LAMTOR5: variants seen among roughly 807,000 people sequenced by gnomAD.
LAMTOR5 encodes the protein late endosomal/lysosomal adaptor, MAPK and MTOR activator 5, also known as ragulator complex protein LAMTOR5.
Under a neutral mutation model 12.1 loss-of-function variants are expected in LAMTOR5, and 8 were observed. That is an observed-to-expected ratio of 0.66 (90% CI 0.39 to 1.19). The LOEUF (loss-of-function observed/expected upper bound fraction) is 1.19, where lower values mean the gene tolerates loss of function less well. LAMTOR5 is among the 50% of genes most tolerant of loss of function. The pLI is 0.01. For missense variants in LAMTOR5, 110 were observed against 112.8 expected, an observed-to-expected ratio of 0.97 and a Z score of 0.11; for synonymous variants, 37 against 41.9, an observed-to-expected ratio of 0.88 and a Z score of 0.45.
rs1345737886 is a variant in LAMTOR5 at position 110,406,355 on chromosome 1, T to C, written c.60A>G (p.Gly20=). Reference sequence around the variant, plus strand: ...GTCCTTGTGAATCTGTGCACAGGACTCCAACAATGGAGGGATTCTTCATTC... The same window carrying C: ...GTCCTTGTGAATCTGTGCACAGGACCCCAACAATGGAGGGATTCTTCATTC... ...EDTMKNPSIV[G]VLCTDSQGLN... Residue 20 remains glycine, a synonymous_variant, in exon 2 of 4, where the codon GGA becomes GGG. Coordinates refer to ENST00000602318, the MANE Select transcript of LAMTOR5 (RefSeq NM_001382293.1). 6.2e-7 allele frequency: 1 copy of C among 1,610,110 alleles called. No individual in the cohort carries two copies. Among genetic ancestry groups the C allele is most frequent in the African/African-American group, 1.3e-5 (1 of 74,778 alleles).
At chr1:110,402,724 T>C (rs749933646) in intron 3 of LAMTOR5, among the ~76,000 whole-genome samples, 6 of 152,304 alleles carry the variant, frequency 3.9e-5, no homozygotes, top group Admixed American at 1.3e-4. Flanking sequence ...GATGTGGAGA[T>C]AGAAGCCAGT....
Position 110,407,589 on chromosome 1 carries a change from T to C in LAMTOR5, c.32A>G (p.Asp11Gly), listed in dbSNP as rs907832676. 10 of 1,613,794 alleles carry C rather than the reference T, an allele frequency of 6.2e-6. No homozygotes were observed. The highest frequency in any genetic ancestry group is 1.3e-5 in the African/African-American group (1 of 74,882). ...CGAAGAGGCGCGCACTACTCACGTG[T>C]CTTCCAAGTGCTGCTCCAAGGTCGC... Reference protein sequence around the residue: MEATLEQHLEDTMKNPSIVGV... With the variant: MEATLEQHLEGTMKNPSIVGV... The change falls in exon 1 of 4, where the codon GAC becomes GGC. Residue 11 changes from aspartate to glycine, a missense_variant. Physicochemically the swap from Asp to Gly is moderately conservative, Grantham distance 94. Coordinates refer to ENST00000602318, the MANE Select transcript of LAMTOR5 (RefSeq NM_001382293.1).
intron 1 of LAMTOR5, chr1:110,406,969 CTT>C: frequency 1.6e-6 from 1 of 644,860 alleles, no homozygotes; most frequent in Non-Finnish European, 2.8e-6. Context: ...TGTTTTCACT[CTT>C]GTTAAAAACG....
chr1:110,405,411 C>T (rs995637210), intron 2 of LAMTOR5, among the ~76,000 whole-genome samples: 30 of 152,032 alleles, frequency 2.0e-4, no homozygotes, highest in African/African-American at 6.3e-4. Flanking sequence ...GTGATCCACC[C>T]GCCTCCGCCT....
chr1:110,406,920 T>C (rs1209494462), intron 1 of LAMTOR5: 1 of 522,468 alleles, frequency 1.9e-6, no homozygotes, highest in African/African-American at 1.9e-5. Context: ...ACTGCTGAGT[T>C]CTGGAGGGCC....
At chr1:110,403,863 A>C in intron 3 of LAMTOR5, 56 bp downstream of exon 3, 1 of 1,602,456 alleles carries the variant, frequency 6.2e-7, no homozygotes, top group Non-Finnish European at 8.5e-7. Flanking sequence ...GCCCCCGCCA[A>C]TTTTACCAGG....
chr1:110,405,351 G>A (rs1663306651), intron 2 of LAMTOR5, among the ~76,000 whole-genome samples: 1 of 151,956 alleles, frequency 6.6e-6, no homozygotes, highest in African/African-American at 2.4e-5. Flanking sequence ...TTTTAGTAGA[G>A]ATGTGGTTTC....
At position 110,407,519 on chromosome 1, in the gene LAMTOR5, C is replaced by T. The variant is rs892128722; in HGVS notation, c.35+67G>A. ...CCCTGGCCGGTACTCGCAGCTCGCG[C>T]CTTTCGTTCCGCTCAAGTTCCTCCG... is the stretch of plus-strand genomic sequence containing the variant. On this transcript the variant is annotated intron_variant, in intron 1 of 3. Transcript: ENST00000602318. 6 of 1,561,662 alleles carry T rather than the reference C, an allele frequency of 3.8e-6. No individual in the cohort carries two copies. In the Admixed American group the frequency reaches 8.8e-5, roughly 23 times the overall value.
chr1:110,407,671 C>G lies in LAMTOR5; in HGVS notation c.-51G>C. Reference sequence around the variant, plus strand: ...GAACCCAGCGGCACGGCACGTCCTTCTCCACCACAGGCCTCAGTCACTTGA... The same window carrying G: ...GAACCCAGCGGCACGGCACGTCCTTGTCCACCACAGGCCTCAGTCACTTGA... On this transcript the variant is annotated 5_prime_UTR_variant, in exon 1 of 4. Transcript: ENST00000602318. The G allele has an allele frequency of 6.2e-7, 1 of 1,614,238 alleles. No homozygotes were observed. The highest frequency in any genetic ancestry group is 8.5e-7 in the Non-Finnish European group (1 of 1,180,044).
chr1:110,401,388 C>CT lies in LAMTOR5; in HGVS notation c.*134dup. On this transcript the variant is annotated 3_prime_UTR_variant, in exon 4 of 4. Coordinates refer to ENST00000602318, the MANE Select transcript of LAMTOR5 (RefSeq NM_001382293.1). ...ATAGAGCATTAGAAAGCAATTGACTCTTAAATAAACAGAAAAGTGCCTAAT... is the reference window on the plus strand; with the variant it reads ...ATAGAGCATTAGAAAGCAATTGACTCTTTAAATAAACAGAAAAGTGCCTAAT... 1 of 843,100 alleles carries CT rather than the reference C, an allele frequency of 1.2e-6. No individual in the cohort carries two copies. The highest frequency in any genetic ancestry group is 1.8e-6 in the Non-Finnish European group (1 of 557,988). 52.2% of individuals were successfully genotyped at this position (843,100 alleles called of 1,614,324 possible).
chr1:110,406,557 G>A (rs747954986), intron 1 of LAMTOR5, 178 bp from the exon 2 acceptor site: 28 of 436,954 alleles, frequency 6.4e-5, no homozygotes, highest in Non-Finnish European at 1.1e-4. Flanking sequence ...GGGCGCGGTT[G>A]CTCACGCCTG....
At chr1:110,405,182 CAG>C (rs71096353) in intron 2 of LAMTOR5, among the ~76,000 whole-genome samples, 66,153 of 151,588 alleles carry the variant, frequency 0.44, 14,815 homozygotes, top group Non-Finnish European at 0.51. Flanking sequence ...TTTTTTGAGA[CAG>C]AGTCTCGCTC....
chr1:110,406,156 A>C (rs1663323921), intron 2 of LAMTOR5, among the ~76,000 whole-genome samples, 162 bp downstream of exon 2: 1 of 152,238 alleles, frequency 6.6e-6, no homozygotes, highest in Non-Finnish European at 1.5e-5. Flanking sequence ...GAAAAGTTTC[A>C]ATTTTCTGAT....
At position 110,403,983 on chromosome 1, in the gene LAMTOR5, G is replaced by C; in HGVS notation, c.151C>G (p.Gln51Glu). ...HAGVISVLAQ[Q>E]AAKLTSDPTD... ...GGGTCAGAGGTTAGCTTAGCTGCTTGCTGGGCTAGAACAGATATCACTCCA... is the reference window on the plus strand; with the variant it reads ...GGGTCAGAGGTTAGCTTAGCTGCTTCCTGGGCTAGAACAGATATCACTCCA... Residue 51 changes from glutamine to glutamate, a missense_variant, in exon 3 of 4, where the codon CAA becomes GAA. Gln to Glu is a conservative substitution (Grantham distance 29). Coordinates refer to ENST00000602318, the MANE Select transcript of LAMTOR5 (RefSeq NM_001382293.1). 1 of 1,614,216 alleles carries C rather than the reference G, an allele frequency of 6.2e-7. No homozygotes were observed. The highest frequency in any genetic ancestry group is 8.5e-7 in the Non-Finnish European group (1 of 1,180,052).
rs1321786318 is a variant in LAMTOR5, at chr1:110,407,630, C to G, written c.-10G>C. On this transcript the variant is annotated 5_prime_UTR_variant, in exon 1 of 4. Transcript: ENST00000602318. Reference sequence around the variant, plus strand: ...CCAAGGTCGCCTCCATCCCACCCACCGACCACTCCGGCTCAGAACCCAGCG... The same window carrying G: ...CCAAGGTCGCCTCCATCCCACCCACGGACCACTCCGGCTCAGAACCCAGCG... The G allele has an allele frequency of 6.2e-7, 1 of 1,614,206 alleles. No homozygotes were observed. Among genetic ancestry groups the G allele is most frequent in the South Asian group, 1.1e-5 (1 of 91,090 alleles).
intron 1 of LAMTOR5, chr1:110,407,157 T>C (rs758573889): frequency 2.3e-4 from 141 of 615,150 alleles, no homozygotes; most frequent in Non-Finnish European, 3.7e-4. Context: ...TAAAGAATGA[T>C]TTTTATCTAC....
intron 3 of LAMTOR5, among the ~76,000 whole-genome samples, chr1:110,402,910 TC>T (rs1663256525): frequency 6.6e-6 from 1 of 152,372 alleles, no homozygotes; most frequent in South Asian, 2.1e-4. Flanking sequence ...CAGAGCAACT[TC>T]CAGTGTTGTA....
At chr1:110,406,409 T>G in intron 1 of LAMTOR5, 30 bp from the exon 2 acceptor site, 1 of 1,523,238 alleles carries the variant, frequency 6.6e-7, no homozygotes, top group Non-Finnish European at 9.1e-7. Context: ...AGAGTTGAAG[T>G]ACATAATGGG....
chr1:110,406,753 G>A (rs1394571649), intron 1 of LAMTOR5: 2 of 328,172 alleles, frequency 6.1e-6, no homozygotes, highest in Non-Finnish European at 1.1e-5. Flanking sequence ...GAACCTGGGA[G>A]GCGGAGGTTG....
Sources: allele counts gnomAD v4.1 joint callset (sites outside exome capture counted in the v4.1 genomes callset), GRCh38; gene constraint gnomAD v4.1.1; transcripts MANE v1.5; gene names NCBI Gene and HGNC (gene_info 2026-07-23, HGNC 2026-07-21).